Variants in SLC23A2 observed in about 807,000 individuals in gnomAD.
SLC23A2 encodes the protein Na(+)/L-ascorbic acid transporter 2.
SLC23A2 carries 36 observed loss-of-function variants against 73.3 expected under a neutral mutation model. That is an observed-to-expected ratio of 0.49 (90% confidence interval 0.38 to 0.65). SLC23A2 has a LOEUF of 0.65. Among genes scored for constraint, SLC23A2 ranks in the 30% least tolerant of loss-of-function variants. SLC23A2 has a pLI of 0.00. For missense variants in SLC23A2, 507 were observed against 841.6 expected (o/e 0.60, Z 4.92); for synonymous variants, 343 against 327.3 (o/e 1.05, Z -0.52).
Position 4,883,834 on chromosome 20 carries a change from A to G in SLC23A2, c.643-11T>C. ...GATGGCCCCCTGGATCTGCAACAAG[A>G]GATGGCACAGACATGAGAGTGAGCT... On this transcript the variant is annotated splice_polypyrimidine_tract_variant and intron_variant, in intron 8 of 16. Transcript: ENST00000338244. This position sits in a 1 kb window ranked among gnomAD's most constrained non-coding sequence, Gnocchi z 4.5. 1 of 1,597,492 alleles carries G rather than the reference A, an allele frequency of 6.3e-7. No individual in the cohort carries two copies. Among genetic ancestry groups the G allele is most frequent in the Non-Finnish European group, 8.5e-7 (1 of 1,170,624 alleles).
At chr20:4,992,503 GTTTTTTTTT>G (rs140932210) in intron 1 of SLC23A2, among the ~76,000 whole-genome samples, 1 of 95,746 alleles carries the variant, frequency 1.0e-5, no homozygotes, top group African/African-American at 4.2e-5. Flanking sequence ...AAGATTGACA[GTTTTTTTTT>G]TTTTTTTTTT....
At chr20:4,991,825 ACACAGAACAAGTCAATAT>A (rs1168741365) in intron 1 of SLC23A2, among the ~76,000 whole-genome samples, 1 of 152,188 alleles carries the variant, frequency 6.6e-6, no homozygotes, top group Non-Finnish European at 1.5e-5. Flanking sequence ...TTCTGTTCAT[ACACAGAACAAGTCAATAT>A]TATAAAGATG....
In SLC23A2 at chr20:4,863,572, C is replaced by T. The variant is rs541127963; in HGVS notation, c.1357-665G>A. ...GGCACGCACTGAGCCATCTGAGAGC[C>T]GCCCACATGGGCCTGCTGCCACTGG... is the stretch of plus-strand genomic sequence containing the variant. On this transcript the variant is annotated intron_variant, in intron 13 of 16. Transcript: ENST00000338244. This position sits in a 1 kb window ranked among gnomAD's most constrained non-coding sequence, Gnocchi z 4.8. Among the ~76,000 whole-genome samples, 9 of 152,326 alleles carry T rather than the reference C, an allele frequency of 5.9e-5. No individual in the cohort carries two copies. In the East Asian group the frequency reaches 7.7e-4, roughly 13 times the overall value.
chr20:4,994,179 G>A (rs1426352908), intron 1 of SLC23A2, among the ~76,000 whole-genome samples: 5 of 152,042 alleles, frequency 3.3e-5, no homozygotes. Context: ...TTCTGTAAAG[G>A]GCCAGAGTTA....
At chr20:4,896,477 C>T (rs907735634) in intron 6 of SLC23A2, among the ~76,000 whole-genome samples, 8 of 152,268 alleles carry the variant, frequency 5.3e-5, no homozygotes, top group East Asian at 3.9e-4. Context: ...CTGGCAGGGG[C>T]GCTCCCCTCC....
intron 3 of SLC23A2, among the ~76,000 whole-genome samples, chr20:4,929,754 CTG>C (rs1450004560): frequency 1.3e-5 from 2 of 152,114 alleles, no homozygotes; most frequent in African/African-American, 4.8e-5. Flanking sequence ...AAATACATGA[CTG>C]TATACAAAAA....
intron 6 of SLC23A2, among the ~76,000 whole-genome samples, chr20:4,896,688 T>C (rs1287801180): frequency 6.6e-6 from 1 of 152,138 alleles, no homozygotes; most frequent in Non-Finnish European, 1.5e-5. Context: ...CCCCTGAGGC[T>C]TGCCTAGGCC....
At chr20:4,869,267 G>GC (rs887930117) in intron 12 of SLC23A2, 8 of 151,652 alleles carry the variant, frequency 5.3e-5, no homozygotes, top group African/African-American at 1.9e-4. Flanking sequence ...CCTCTGAATA[G>GC]CCACTGCACT....
intron 3 of SLC23A2, among the ~76,000 whole-genome samples, chr20:4,926,510 C>CTTTTTTTTTTTTTT (rs3055953): frequency 9.5e-6 from 1 of 105,048 alleles, no homozygotes; most frequent in African/African-American, 3.6e-5. Flanking sequence ...ATTTTTTTTG[C>CTTTTTTTTTTTTTT]TTTTTTTTTT....
At chr20:4,997,575 T>A (rs1018307665) in intron 1 of SLC23A2, among the ~76,000 whole-genome samples, 1 of 152,152 alleles carries the variant, frequency 6.6e-6, no homozygotes, top group Non-Finnish European at 1.5e-5. Context: ...ATAGAGCCTT[T>A]AGGAGGTAAC....
intron 6 of SLC23A2, among the ~76,000 whole-genome samples, chr20:4,890,341 T>A (rs72552207): frequency 0.075 from 11,487 of 152,182 alleles, 1,006 homozygotes; most frequent in African/African-American, 0.22. Flanking sequence ...ACTAGGAGTG[T>A]GTGTACCAAC....
chr20:4,904,305 GT>G (rs1420324629), intron 4 of SLC23A2, among the ~76,000 whole-genome samples: 13 of 152,308 alleles, frequency 8.5e-5, no homozygotes, highest in Admixed American at 2.6e-4. Context: ...CTGAATGGGT[GT>G]TATCACATAT....
chr20:4,883,648 G>A lies in SLC23A2; in HGVS notation c.818C>T (p.Ala273Val), dbSNP rs1267051693. Residue 273 changes from alanine (A) to valine (V), a missense_variant, in exon 9 of 17, where the codon GCC (alanine) becomes GTC (valine). Coordinates refer to ENST00000338244, the MANE Select transcript of SLC23A2 (RefSeq NM_005116.6). This position sits in a 1 kb window ranked among gnomAD's most constrained non-coding sequence, Gnocchi z 4.5. Reference protein sequence around the residue: ...GERAGKHWGIAMLTIFLVLLF... With the variant: ...GERAGKHWGIVMLTIFLVLLF... ...GGGAGATGTTTCCACTTACAGCATG[G>A]CAATGCCCCAGTGCTTCCCGGCTCT... The A allele has an allele frequency of 1.2e-6, 2 of 1,608,814 alleles. No individual in the cohort carries two copies. The highest frequency in any genetic ancestry group is 1.3e-5 in the African/African-American group (1 of 74,842).
Position 4,916,482 on chromosome 20 carries a change from G to A in SLC23A2, c.109-3504C>T, listed in dbSNP as rs144473489. ...CAAATGGACGAGGCTGTATAACACT[G>A]TGAGTGTATTAAAATATCACTGAAT... On this transcript the variant is annotated intron_variant, in intron 3 of 16. Coordinates refer to ENST00000338244, the MANE Select transcript of SLC23A2 (RefSeq NM_005116.6). Among the ~76,000 whole-genome samples, 299 of 152,208 alleles carry A rather than the reference G, an allele frequency of 2.0e-3. 1 individual carries two copies. The highest frequency in any genetic ancestry group is 6.2e-3 in the African/African-American group (259 of 41,514).
intron 1 of SLC23A2, among the ~76,000 whole-genome samples, chr20:4,988,581 C>T (rs1465808212): frequency 6.6e-6 from 1 of 151,252 alleles, no homozygotes; most frequent in Non-Finnish European, 1.5e-5. Context: ...ATTAGAAATA[C>T]AAAAATTTGC....
At chr20:4,914,417 G>C (rs560520024) in intron 3 of SLC23A2, among the ~76,000 whole-genome samples, 2 of 152,030 alleles carry the variant, frequency 1.3e-5, no homozygotes, top group African/African-American at 4.8e-5. Flanking sequence ...AACAAACTTA[G>C]AGGGAAACTT....
At chr20:4,969,268 T>TA (rs2087524895) in intron 2 of SLC23A2, among the ~76,000 whole-genome samples, 1 of 151,988 alleles carries the variant, frequency 6.6e-6, no homozygotes, top group Non-Finnish European at 1.5e-5. Context: ...TTTGTACTTT[T>TA]AATAGAGACA....
At chr20:4,904,400 C>G (rs1931862794) in intron 4 of SLC23A2, among the ~76,000 whole-genome samples, 2 of 152,130 alleles carry the variant, frequency 1.3e-5, no homozygotes, top group Non-Finnish European at 2.9e-5. Context: ...CTCCTAGACC[C>G]TGCCTATGTG....
In SLC23A2 at chr20:4,853,874, T is replaced by C. The variant is rs928782582; in HGVS notation, c.*3098A>G. The C allele has an allele frequency of 6.6e-6, 1 of 152,242 alleles. No individual in the cohort carries two copies. Among genetic ancestry groups the C allele is most frequent in the Non-Finnish European group, 1.5e-5 (1 of 68,038 alleles). 9.4% of individuals were successfully genotyped at this position (152,242 alleles called of 1,614,324 possible). A position where few individuals can be genotyped will look rare whatever the true frequency, so the allele number is the denominator to read the frequency against. On this transcript the variant is annotated 3_prime_UTR_variant, in exon 17 of 17. Transcript: ENST00000338244. Reference sequence around the variant, plus strand: ...CTGAAAGTAAATGTATCTGTGAATCTACATTTAACTTCCTAATGAGAATGA... The same window carrying C: ...CTGAAAGTAAATGTATCTGTGAATCCACATTTAACTTCCTAATGAGAATGA...
Sources: allele counts gnomAD v4.1 joint callset (sites outside exome capture counted in the v4.1 genomes callset), GRCh38; gene constraint gnomAD v4.1.1; non-coding constraint Gnocchi (gnomAD v3.1); transcripts MANE v1.5; gene names NCBI Gene and HGNC (gene_info 2026-07-23, HGNC 2026-07-21).